Variants in ARHGAP24 observed in about 807,000 individuals in gnomAD.
ARHGAP24 encodes rho GTPase-activating protein 24.
A neutral mutation model predicts 76.4 loss-of-function variants in ARHGAP24; 50 were observed. The ratio of observed to expected loss-of-function variants is 0.65; its 90% confidence interval spans 0.52 to 0.83. The LOEUF (loss-of-function observed/expected upper bound fraction) is 0.83. ARHGAP24 is among the 40% of genes least tolerant of loss of function. The probability of loss-of-function intolerance (pLI) is 0.00; values close to 1 mark genes in which losing one functional copy is unlikely to be tolerated. For synonymous variants in ARHGAP24, 345 were observed against 323.3 expected (o/e 1.07, Z -0.72); for missense variants, 930 against 914.2 (o/e 1.02, Z -0.22).
Position 85,995,020 on chromosome 4 carries a change from AGCCTACAG to A in ARHGAP24, c.1370_1377del (p.Leu457GlnfsTer55), listed in dbSNP as rs1740567668. On this transcript the variant is annotated frameshift_variant, in exon 9 of 10. Transcript: ENST00000395184. LOFTEE classifies it high-confidence loss of function. Reference sequence around the variant, plus strand: ...GAAAACCCAAACCACCCCCAATGGGAGCCTACAGGCCAGAAGGAGCTCTTCACTGAAGG... The same window carrying A: ...GAAAACCCAAACCACCCCCAATGGGAGCCAGAAGGAGCTCTTCACTGAAGG... 3 of 1,613,992 alleles carry A rather than the reference AGCCTACAG, an allele frequency of 1.9e-6. No individual in the cohort carries two copies. The highest frequency in any genetic ancestry group is 2.7e-5 in the African/African-American group (2 of 74,894).
At chr4:85,748,646 A>G (rs1045149360) in intron 3 of ARHGAP24, among the ~76,000 whole-genome samples, 4 of 152,256 alleles carry the variant, frequency 2.6e-5, no homozygotes, top group Admixed American at 2.0e-4. Context: ...GATGCAATAT[A>G]TGCAAACTTT....
At chr4:85,989,908 A>G (rs778454112) in intron 8 of ARHGAP24, 5 of 151,750 alleles carry the variant, frequency 3.3e-5, no homozygotes, top group Non-Finnish European at 5.9e-5. Flanking sequence ...GATCGGGTTT[A>G]AGGTAAGTTT....
At chr4:85,654,570 A>G (rs774933709) in intron 2 of ARHGAP24, among the ~76,000 whole-genome samples, 2 of 152,188 alleles carry the variant, frequency 1.3e-5, no homozygotes, top group Non-Finnish European at 2.9e-5. Flanking sequence ...GGCCTCTCTC[A>G]TGCTGCATAC....
chr4:85,623,021 C>A (rs1284148139), intron 2 of ARHGAP24, among the ~76,000 whole-genome samples: 1 of 152,012 alleles, frequency 6.6e-6, no homozygotes, highest in African/African-American at 2.4e-5. Context: ...GAGTGGGTTG[C>A]AAAGATTTTC....
At chr4:85,957,238 A>G (rs201228214) in intron 5 of ARHGAP24, among the ~76,000 whole-genome samples, 2 of 152,182 alleles carry the variant, frequency 1.3e-5, no homozygotes, top group Non-Finnish European at 2.9e-5. Context: ...AGGTTTACTG[A>G]TATTTTTCTT....
chr4:85,947,695 TC>T (rs1257184349), intron 5 of ARHGAP24, among the ~76,000 whole-genome samples: 1 of 152,138 alleles, frequency 6.6e-6, no homozygotes, highest in Admixed American at 6.5e-5. Flanking sequence ...GCAATTTCAA[TC>T]CCAGAAAACA....
chr4:85,487,976 G>C (rs1412897442), intron 1 of ARHGAP24, among the ~76,000 whole-genome samples: 4 of 146,334 alleles, frequency 2.7e-5, no homozygotes, highest in Non-Finnish European at 5.9e-5. Context: ...CGTGATCTCG[G>C]CTCACTGCAA....
intron 2 of ARHGAP24, among the ~76,000 whole-genome samples, chr4:85,598,812 C>A (rs147594455): frequency 4.0e-5 from 6 of 150,080 alleles, no homozygotes; most frequent in African/African-American, 1.2e-4. Context: ...AACTATCTAA[C>A]TCAAGTTGCC....
At chr4:85,904,411 C>T (rs1252011164) in intron 3 of ARHGAP24, among the ~76,000 whole-genome samples, 1 of 152,298 alleles carries the variant, frequency 6.6e-6, no homozygotes, top group South Asian at 2.1e-4. Flanking sequence ...CAGATATCTG[C>T]GCCCATTATT....
In ARHGAP24 at chr4:85,643,677, G is replaced by GT. The variant is rs200375865; in HGVS notation, c.180+72965dup. The stretch of plus-strand genomic sequence containing the variant: ...GAATAAAATAAAACACTTTGGATGT[G>GT]TTTTTTTTTCCACTCAGGGGAGTGC... On this transcript the variant is annotated intron_variant, in intron 2 of 9. Coordinates refer to ENST00000395184, the MANE Select transcript of ARHGAP24 (RefSeq NM_001025616.3). Among the ~76,000 whole-genome samples the GT allele has an allele frequency of 5.1e-4, 78 of 151,676 alleles. 1 individual carries two copies. Among genetic ancestry groups the GT allele is most frequent in the African/African-American group, 1.5e-3 (62 of 41,348 alleles).
rs562946910 is a variant in ARHGAP24, at chr4:85,950,033, C to T, written c.599+7760C>T. On this transcript the variant is annotated intron_variant, in intron 5 of 9. Transcript: ENST00000395184. ...GCTAGTGAGTAAAGTGGTGGAGATA[C>T]CCGTCTCCTTCTTGAGGACGTAACA... Among the ~76,000 whole-genome samples the T allele has an allele frequency of 1.4e-3, 208 of 152,174 alleles. 2 individuals are homozygous for T. The highest frequency in any genetic ancestry group is 1.9e-3 in the Non-Finnish European group (128 of 67,996).
chr4:85,594,854 GAGACT>G (rs904511427), intron 2 of ARHGAP24, among the ~76,000 whole-genome samples: 23 of 152,146 alleles, frequency 1.5e-4, no homozygotes, highest in Non-Finnish European at 1.2e-4. Context: ...AGGTGAAAAA[GAGACT>G]AGACAAAACC....
At chr4:85,744,758 T>A (rs1725963420) in intron 3 of ARHGAP24, among the ~76,000 whole-genome samples, 2 of 152,238 alleles carry the variant, frequency 1.3e-5, no homozygotes, top group Non-Finnish European at 2.9e-5. Flanking sequence ...CATATTGGTT[T>A]GGGATATTTT....
At chr4:85,880,712 G>A (rs971802173) in intron 3 of ARHGAP24, among the ~76,000 whole-genome samples, 3 of 152,102 alleles carry the variant, frequency 2.0e-5, no homozygotes, top group Non-Finnish European at 2.9e-5. Context: ...GTATTTTTTA[G>A]TAGAGACGGG....
chr4:85,491,163 A>T (rs924636286), intron 1 of ARHGAP24, among the ~76,000 whole-genome samples: 1 of 152,196 alleles, frequency 6.6e-6, no homozygotes, highest in African/African-American at 2.4e-5. Flanking sequence ...GGTGCATAAT[A>T]CCAAATGTCT....
chr4:85,833,191 T>A (rs1413455501), intron 3 of ARHGAP24, among the ~76,000 whole-genome samples: 2 of 152,184 alleles, frequency 1.3e-5, no homozygotes, highest in African/African-American at 4.8e-5. Flanking sequence ...CTCTGGTATC[T>A]GCAGATTTCT....
intron 1 of ARHGAP24, among the ~76,000 whole-genome samples, chr4:85,527,878 G>A (rs1725074520): frequency 6.6e-6 from 1 of 151,992 alleles, no homozygotes; most frequent in Admixed American, 6.6e-5. Flanking sequence ...ACTCAGCATT[G>A]ATAACAAACA....
At chr4:85,720,479 C>T (rs1016868095) in intron 2 of ARHGAP24, among the ~76,000 whole-genome samples, 2 of 152,044 alleles carry the variant, frequency 1.3e-5, no homozygotes, top group African/African-American at 2.4e-5. Context: ...ATAATGAGAG[C>T]CAGATTTACT....
chr4:85,937,280 A>C (rs1736695415), intron 4 of ARHGAP24, among the ~76,000 whole-genome samples: 1 of 152,192 alleles, frequency 6.6e-6, no homozygotes, highest in Non-Finnish European at 1.5e-5. Flanking sequence ...CTCAGATGGC[A>C]CTTCAATGTT....
Sources: allele counts gnomAD v4.1 joint callset (sites outside exome capture counted in the v4.1 genomes callset), GRCh38; gene constraint gnomAD v4.1.1; transcripts MANE v1.5; gene names NCBI Gene and HGNC (gene_info 2026-07-23, HGNC 2026-07-21).